The following MAP7 variants were observed in gnomAD, a reference collection of about 807,000 sequenced individuals.
The protein encoded by MAP7 is ensconsin.
Under a neutral mutation model 94.8 loss-of-function variants are expected in MAP7, and 52 were observed. The observed-to-expected ratio is 0.55, with a 90% CI of 0.44 to 0.69. MAP7 has a LOEUF of 0.69. Among genes scored for constraint, MAP7 ranks in the 30% least tolerant of loss-of-function variants. MAP7 has a pLI of 0.00. For synonymous variants in MAP7, 350 were observed against 357.0 expected (o/e 0.98, Z 0.22); for missense variants, 940 against 964.6 (o/e 0.97, Z 0.34).
At position 136,360,095 on chromosome 6, in the gene MAP7, T is replaced by C. The variant is rs1031479892; in HGVS notation, c.1804-64A>G. 8 of 1,215,056 alleles carry C rather than the reference T, an allele frequency of 6.6e-6. No homozygotes were observed. In the East Asian group the frequency reaches 1.6e-4, roughly 25 times the overall value. The allele number at this position is 1,215,056 out of a possible 1,614,324, so 75.3% of individuals were successfully genotyped here. On this transcript the variant is annotated intron_variant, in intron 13 of 17. Coordinates refer to ENST00000354570, the MANE Select transcript of MAP7 (RefSeq NM_003980.6). ...AGAAAAAAAGCCAGCCTGGCATATT[T>C]AACTGATGAAATAGATTATTTAAAA...
intron 1 of MAP7, among the ~76,000 whole-genome samples, chr6:136,536,152 T>C (rs1828869009): frequency 6.6e-6 from 1 of 152,198 alleles, no homozygotes; most frequent in Admixed American, 6.5e-5. Flanking sequence ...AAGCAAAAAA[T>C]ATTCCTAATG....
chr6:136,374,060 A>G (rs1265032580), intron 7 of MAP7, among the ~76,000 whole-genome samples: 1 of 152,232 alleles, frequency 6.6e-6, no homozygotes, highest in East Asian at 1.9e-4. Context: ...TTGACAGTGA[A>G]TAGATTGGAA....
chr6:136,522,606 G>A lies in MAP7; in HGVS notation c.67+27736C>T, dbSNP rs1826716755. Among the ~76,000 whole-genome samples, 3 of 152,270 alleles carry A rather than the reference G, an allele frequency of 2.0e-5. No individual in the cohort carries two copies. The East Asian group carries it at 5.8e-4, about 29-fold the overall frequency. On this transcript the variant is annotated intron_variant, in intron 1 of 17. Coordinates refer to ENST00000354570, the MANE Select transcript of MAP7 (RefSeq NM_003980.6). ...AAAAGACACTAAGCATGAAAACCAG[G>A]TTTGGGTATGGTTGGCAGATGAGGC...
rs11347286 is a variant in MAP7 at position 136,392,388 on chromosome 6, CTTTTTTTTTTT to C, written c.245-2882_245-2872del. 1.4e-4 allele frequency among the ~76,000 whole-genome samples: 14 copies of C among 102,602 alleles called. No individual in the cohort carries two copies. The East Asian group carries it at 2.2e-3, about 16-fold the overall frequency. 67.3% of individuals were successfully genotyped at this position (102,602 alleles called of 152,430 possible). Reference sequence around the variant, plus strand: ...GCCACCGCACCCAGCCTGCATCTTGCTTTTTTTTTTTTTTTTTTTTTTACTTAAAATGTATC... The same window carrying C: ...GCCACCGCACCCAGCCTGCATCTTGCTTTTTTTTTTTACTTAAAATGTATC... On this transcript the variant is annotated intron_variant, in intron 3 of 17. Transcript: ENST00000354570.
chr6:136,395,213 C>T (rs577123167), intron 3 of MAP7, among the ~76,000 whole-genome samples: 34 of 151,428 alleles, frequency 2.2e-4, no homozygotes, highest in East Asian at 1.7e-3. Flanking sequence ...CCTTTCTCTG[C>T]GTCTTCATCA....
intron 4 of MAP7, 134 bp from the exon 5 acceptor site, chr6:136,388,644 A>G: frequency 1.4e-6 from 1 of 697,830 alleles, no homozygotes; most frequent in Non-Finnish European, 2.5e-6. Context: ...CTGAACTTCT[A>G]TACCATAAGG....
intron 1 of MAP7, among the ~76,000 whole-genome samples, chr6:136,467,958 G>A (rs1181309657): frequency 6.6e-6 from 1 of 152,096 alleles, no homozygotes; most frequent in African/African-American, 2.4e-5. Flanking sequence ...GACGCGTGAG[G>A]GTCAAGTGTG....
At chr6:136,355,825 T>C (rs747970146) in intron 16 of MAP7, among the ~76,000 whole-genome samples, 2 of 152,216 alleles carry the variant, frequency 1.3e-5, no homozygotes, top group African/African-American at 4.8e-5. Context: ...TTCTCTATGA[T>C]TGGATTTTTA....
chr6:136,417,051 C>G (rs1264326246), intron 2 of MAP7, among the ~76,000 whole-genome samples: 2 of 151,778 alleles, frequency 1.3e-5, no homozygotes, highest in Non-Finnish European at 2.9e-5. Flanking sequence ...GCTGGGAGAT[C>G]TAGGCTACAG....
chr6:136,549,981 G>GA (rs1830012093), intron 1 of MAP7, among the ~76,000 whole-genome samples: 1 of 152,190 alleles, frequency 6.6e-6, no homozygotes, highest in African/African-American at 2.4e-5. Context: ...TGGTCTGGGG[G>GA]ATACGATTTC....
At chr6:136,453,063 C>G (rs1458555977) in intron 1 of MAP7, among the ~76,000 whole-genome samples, 1 of 152,108 alleles carries the variant, frequency 6.6e-6, no homozygotes, top group Non-Finnish European at 1.5e-5. Context: ...AGTTGGTATT[C>G]CCTAGGCATC....
chr6:136,469,916 G>A (rs1180911033), intron 1 of MAP7, among the ~76,000 whole-genome samples: 1 of 152,052 alleles, frequency 6.6e-6, no homozygotes, highest in Non-Finnish European at 1.5e-5. Flanking sequence ...GAGGAGTTCG[G>A]GGAGAACTCT....
rs201399657 is a variant in MAP7, at chr6:136,421,705, T to C, written c.162A>G (p.Lys54=). The change falls in exon 2 of 18, where the codon AAA becomes AAG. Residue 54 remains lysine (K), a synonymous_variant. Transcript: ENST00000354570. ...AGTTAATGCAATGCATCATACCTGG[T>C]TTATTTCCTGAGTGGTTGTTATTTT... ...SGQNNNHSGN[K]PDPPPVLRVD... 1.2e-6 allele frequency: 2 copies of C among 1,613,742 alleles called. No homozygotes were observed. Among genetic ancestry groups the C allele is most frequent in the East Asian group, 4.5e-5 (2 of 44,876 alleles).
chr6:136,351,939 C>A (rs1447785874), intron 16 of MAP7, among the ~76,000 whole-genome samples: 5 of 152,184 alleles, frequency 3.3e-5, no homozygotes, highest in African/African-American at 9.6e-5. Flanking sequence ...AGCCTCCCCC[C>A]AGCACCCCCA....
chr6:136,456,484 AAACATAGGGAGACCCTGTCTC>A (rs1802892057), intron 1 of MAP7, among the ~76,000 whole-genome samples: 1 of 151,824 alleles, frequency 6.6e-6, no homozygotes, highest in Non-Finnish European at 1.5e-5. Flanking sequence ...CCAGCCTGGG[AAACATAGGGAGACCCTGTCTC>A]TACAAATAAT....
chr6:136,486,775 G>A (rs1562454042), intron 1 of MAP7, among the ~76,000 whole-genome samples: 1 of 152,106 alleles, frequency 6.6e-6, no homozygotes, highest in Non-Finnish European at 1.5e-5. Flanking sequence ...ACCACCTAAG[G>A]CTATCCCAAA....
chr6:136,419,787 A>G (rs1372099959), intron 2 of MAP7: 1 of 255,720 alleles, frequency 3.9e-6, no homozygotes, highest in African/African-American at 2.2e-5. Context: ...AAGTTTTATT[A>G]AAGTTTTCAC....
intron 1 of MAP7, among the ~76,000 whole-genome samples, chr6:136,460,587 A>C (rs755203470): frequency 1.3e-5 from 2 of 152,138 alleles, no homozygotes. Flanking sequence ...GTAGTTTTTC[A>C]TTTGGAAAGA....
At chr6:136,480,146 A>C (rs1812253560) in intron 1 of MAP7, among the ~76,000 whole-genome samples, 1 of 152,220 alleles carries the variant, frequency 6.6e-6, no homozygotes, top group East Asian at 1.9e-4. Context: ...AAAAACAGAC[A>C]CACAGAACAA....
Sources: allele counts gnomAD v4.1 joint callset (sites outside exome capture counted in the v4.1 genomes callset), GRCh38; gene constraint gnomAD v4.1.1; transcripts MANE v1.5; gene names NCBI Gene and HGNC (gene_info 2026-07-23, HGNC 2026-07-21).